The following MEIS1 variants were observed in gnomAD, a reference collection of about 807,000 sequenced individuals.
MEIS1 encodes the protein Meis homeobox 1.
A neutral mutation model predicts 50.8 loss-of-function variants in MEIS1; 5 were observed. That is an observed-to-expected ratio of 0.10 (90% CI 0.05 to 0.21). MEIS1 has a LOEUF of 0.21. MEIS1 is among the 10% of genes least tolerant of loss of function. MEIS1 has a pLI of 1.00. For missense variants in MEIS1, 318 were observed against 517.3 expected (o/e 0.61, Z 3.74); for synonymous variants, 176 against 179.3 (o/e 0.98, Z 0.15).
intron 10 of MEIS1, chr2:66,567,965 G>A (rs1675391476): frequency 3.8e-6 from 1 of 265,036 alleles, no homozygotes; most frequent in Non-Finnish European, 7.4e-6. Context: ...GAGCTTTTGT[G>A]TGCTTTAATA....
intron 7 of MEIS1, among the ~76,000 whole-genome samples, chr2:66,500,581 C>T (rs1411374601): frequency 3.9e-5 from 6 of 152,008 alleles, no homozygotes; most frequent in Non-Finnish European, 5.9e-5. Flanking sequence ...TGCATCACCA[C>T]GTCCAGCTAA....
At chr2:66,475,440 A>T (rs377258733) in intron 7 of MEIS1, among the ~76,000 whole-genome samples, 13 of 151,490 alleles carry the variant, frequency 8.6e-5, no homozygotes, top group African/African-American at 3.1e-4. Context: ...ATACAATAGG[A>T]TAAAAAATGT....
chr2:66,537,010 A>G (rs575677915), intron 8 of MEIS1, among the ~76,000 whole-genome samples: 1 of 152,272 alleles, frequency 6.6e-6, no homozygotes, highest in South Asian at 2.1e-4. Flanking sequence ...TATAGTTTTC[A>G]TTGACCTTTA....
chr2:66,441,540 G>A (rs1231348741), intron 5 of MEIS1, 76 bp downstream of exon 5: 9 of 1,214,762 alleles, frequency 7.4e-6, no homozygotes, highest in South Asian at 4.7e-5. Context: ...CCGAATGGCT[G>A]AAGTTCAGCC....
chr2:66,538,545 C>T (rs1281658180), intron 8 of MEIS1, among the ~76,000 whole-genome samples: 1 of 152,178 alleles, frequency 6.6e-6, no homozygotes, highest in African/African-American at 2.4e-5. Context: ...GTCATCTACT[C>T]CTACTCACAA....
chr2:66,463,966 T>G, intron 6 of MEIS1, 143 bp from the exon 7 acceptor site: 1 of 625,242 alleles, frequency 1.6e-6, no homozygotes, highest in Non-Finnish European at 2.9e-6. Flanking sequence ...AGCTCTGAGC[T>G]GGAACCATGG....
intron 8 of MEIS1, among the ~76,000 whole-genome samples, chr2:66,541,946 T>A (rs1310939423): frequency 6.6e-6 from 1 of 152,086 alleles, no homozygotes; most frequent in East Asian, 1.9e-4. Flanking sequence ...AACTAATTCA[T>A]AAAGCTGAAA....
intron 3 of MEIS1, 107 bp downstream of exon 3, chr2:66,440,091 ACGG>A (rs763811776): frequency 4.5e-5 from 47 of 1,054,398 alleles, no homozygotes; most frequent in Admixed American, 1.4e-4. Flanking sequence ...ACACACACAC[ACGG>A]CACACTTTCA....
intron 7 of MEIS1, among the ~76,000 whole-genome samples, chr2:66,474,315 G>A (rs1672838261): frequency 6.6e-6 from 1 of 152,112 alleles, no homozygotes; most frequent in South Asian, 2.1e-4. Flanking sequence ...TAGGGCTGAG[G>A]TGAGACTGAA....
rs372396913 is a variant in MEIS1 at position 66,545,353 on chromosome 2, T to C, written c.889-2590T>C. On this transcript the variant is annotated intron_variant, in intron 8 of 12. Transcript: ENST00000272369. ...GTGTACAACTTTATATGACACATAGTGCCAGTGGTGGGATGCTAATATTTG... is the reference window on the plus strand; with the variant it reads ...GTGTACAACTTTATATGACACATAGCGCCAGTGGTGGGATGCTAATATTTG... 2.0e-5 allele frequency among the ~76,000 whole-genome samples: 3 copies of C among 152,310 alleles called. No homozygotes were observed. The East Asian group carries it at 5.8e-4, about 29-fold the overall frequency.
intron 6 of MEIS1, among the ~76,000 whole-genome samples, chr2:66,450,419 T>A (rs1407536452): frequency 6.6e-6 from 1 of 152,036 alleles, no homozygotes; most frequent in Non-Finnish European, 1.5e-5. Context: ...GCTTGGGCAA[T>A]ATAACAAGAC....
chr2:66,526,491 T>C (rs1455730146), intron 8 of MEIS1, among the ~76,000 whole-genome samples: 1 of 152,184 alleles, frequency 6.6e-6, no homozygotes, highest in Non-Finnish European at 1.5e-5. Context: ...GGAATCACTA[T>C]AAAAATAAGC....
intron 7 of MEIS1, among the ~76,000 whole-genome samples, chr2:66,505,499 G>C (rs565132399): frequency 6.6e-6 from 1 of 152,310 alleles, no homozygotes; most frequent in Admixed American, 6.5e-5. Flanking sequence ...AGGAAAGCCA[G>C]AGTTCTAGAG....
At position 66,435,738 on chromosome 2, in the gene MEIS1, T is replaced by C; in HGVS notation, c.-119T>C. ...GCTGGAGACGTTAAGGGATTTTTCG[T>C]CGTGCTTTTTTTTTTTTTTTTTTTT... On this transcript the variant is annotated 5_prime_UTR_variant, in exon 1 of 13. Coordinates refer to ENST00000272369, the MANE Select transcript of MEIS1 (RefSeq NM_002398.3). 3.2e-6 allele frequency: 3 copies of C among 935,106 alleles called. No individual in the cohort carries two copies. The highest frequency in any genetic ancestry group is 5.9e-5 in the East Asian group (2 of 33,686). 57.9% of individuals were successfully genotyped at this position (935,106 alleles called of 1,614,324 possible).
rs1378320427 is a variant in MEIS1, at chr2:66,572,247, A to G, written c.*1039A>G. 6.6e-6 allele frequency: 1 copy of G among 152,220 alleles called. No homozygotes were observed. Among genetic ancestry groups the G allele is most frequent in the Non-Finnish European group, 1.5e-5 (1 of 68,062 alleles). The allele number at this position is 152,220 out of a possible 1,614,324, so 9.4% of individuals were successfully genotyped here. ...GTTTAGAAGCCTAATTGTCACATCA[A>G]GCATCATTGTCCCCATGCAACAACC... On this transcript the variant is annotated 3_prime_UTR_variant, in exon 13 of 13. Transcript: ENST00000272369.
At chr2:66,453,083 A>T (rs1215430377) in intron 6 of MEIS1, among the ~76,000 whole-genome samples, 1 of 151,910 alleles carries the variant, frequency 6.6e-6, no homozygotes, top group Non-Finnish European at 1.5e-5. Flanking sequence ...CATTTCAATT[A>T]GGTGCATTGT....
intron 9 of MEIS1, among the ~76,000 whole-genome samples, chr2:66,562,923 T>G (rs927125009): frequency 6.6e-6 from 1 of 152,194 alleles, no homozygotes; most frequent in Non-Finnish European, 1.5e-5. Flanking sequence ...TATGTTCGAA[T>G]GTAAATGAAA....
At chr2:66,479,266 C>T (rs932970325) in intron 7 of MEIS1, among the ~76,000 whole-genome samples, 3 of 152,154 alleles carry the variant, frequency 2.0e-5, no homozygotes, top group African/African-American at 7.2e-5. Flanking sequence ...CTGATAAGGG[C>T]TATAAACAGT....
rs1341749417 is a variant in MEIS1 at position 66,572,852 on chromosome 2, G to A, written c.*1644G>A. 7.2e-5 allele frequency: 11 copies of A among 152,078 alleles called. 1 individual carries two copies. The highest frequency in any genetic ancestry group is 7.2e-4 in the Admixed American group (11 of 15,270). 9.4% of individuals were successfully genotyped at this position (152,078 alleles called of 1,614,324 possible). On this transcript the variant is annotated 3_prime_UTR_variant, in exon 13 of 13. Transcript: ENST00000272369. Reference sequence around the variant, plus strand: ...ATAAAAATTAATTTTGGCTCCCTAAGCCATATATGTATTTGACAATTTTAA... The same window carrying A: ...ATAAAAATTAATTTTGGCTCCCTAAACCATATATGTATTTGACAATTTTAA...
Sources: allele counts gnomAD v4.1 joint callset (sites outside exome capture counted in the v4.1 genomes callset), GRCh38; gene constraint gnomAD v4.1.1; transcripts MANE v1.5; gene names NCBI Gene and HGNC (gene_info 2026-07-23, HGNC 2026-07-21).